Variants in MYO6 observed in about 807,000 individuals in gnomAD.
MYO6 encodes the protein myosin VI.
MYO6 carries 74 observed loss-of-function variants against 178.7 expected under a neutral mutation model. That is an observed-to-expected ratio of 0.41 (90% confidence interval 0.34 to 0.50). The LOEUF (loss-of-function observed/expected upper bound fraction) is 0.50. Ranked by LOEUF, MYO6 falls within the 20% of genes least tolerant of loss-of-function variation. The probability of loss-of-function intolerance (pLI) is 0.09; values close to 1 mark genes in which losing one functional copy is unlikely to be tolerated. For synonymous variants in MYO6, 477 were observed against 504.6 expected, an observed-to-expected ratio of 0.95 and a Z score of 0.73; for missense variants, 1,330 against 1,547.4, an observed-to-expected ratio of 0.86 and a Z score of 2.36.
intron 30 of MYO6, among the ~76,000 whole-genome samples, chr6:75,902,207 T>C (rs1356992640): frequency 6.6e-6 from 1 of 152,170 alleles, no homozygotes; most frequent in Non-Finnish European, 1.5e-5. Context: ...GTGTCTCTGC[T>C]AGGCTTTGGT....
intron 28 of MYO6, among the ~76,000 whole-genome samples, chr6:75,893,837 A>G (rs1229178214): frequency 6.6e-6 from 1 of 152,224 alleles, no homozygotes; most frequent in East Asian, 1.9e-4. Flanking sequence ...TGGGCTCTTT[A>G]TTAAGATTTC....
chr6:75,844,805 A>G, intron 9 of MYO6, 92 bp from the exon 10 acceptor site: 1 of 971,758 alleles, frequency 1.0e-6, no homozygotes, highest in South Asian at 1.3e-5. Flanking sequence ...GAAATTCTTC[A>G]TGGTTGGCAC....
chr6:75,833,736 C>T (rs1773359587), intron 6 of MYO6, among the ~76,000 whole-genome samples: 1 of 151,904 alleles, frequency 6.6e-6, no homozygotes, highest in African/African-American at 2.4e-5. Context: ...TTTTGTTTAT[C>T]CATGCATTTG....
chr6:75,811,365 A>G (rs867220924), intron 1 of MYO6, among the ~76,000 whole-genome samples: 10 of 152,240 alleles, frequency 6.6e-5, no homozygotes, highest in Middle Eastern at 3.4e-3. Context: ...TTGCCTCTCA[A>G]CCATTTGCTT....
chr6:75,902,511 G>A (rs9421200), intron 30 of MYO6, among the ~76,000 whole-genome samples: 37,641 of 152,026 alleles, frequency 0.25, 5,444 homozygotes, highest in Middle Eastern at 0.39. Flanking sequence ...GTTTATTTGC[G>A]TAGAGTTGTT....
chr6:75,816,951 A>G (rs1771314702), intron 1 of MYO6, among the ~76,000 whole-genome samples: 2 of 152,326 alleles, frequency 1.3e-5, no homozygotes, highest in Non-Finnish European at 1.5e-5. Context: ...ACCTGAAGGA[A>G]GGCAGTAGTA....
chr6:75,800,881 C>T (rs879429183), intron 1 of MYO6, among the ~76,000 whole-genome samples: 6 of 152,078 alleles, frequency 3.9e-5, no homozygotes, highest in South Asian at 4.1e-4. Context: ...CCACCACACC[C>T]GGCTAATTTT....
intron 30 of MYO6, among the ~76,000 whole-genome samples, chr6:75,904,583 T>A (rs1562309591): frequency 6.6e-6 from 1 of 152,242 alleles, no homozygotes; most frequent in Non-Finnish European, 1.5e-5. Context: ...CTCTATCAGC[T>A]CCTTTAAGCA....
At chr6:75,889,488 A>G (rs1583375605) in intron 25 of MYO6, among the ~76,000 whole-genome samples, 1 of 152,088 alleles carries the variant, frequency 6.6e-6, no homozygotes, top group African/African-American at 2.4e-5. Flanking sequence ...GTTCACTGTA[A>G]CCTCCGCCTC....
At chr6:75,837,942 C>T (rs185659123) in intron 7 of MYO6, among the ~76,000 whole-genome samples, 6 of 152,228 alleles carry the variant, frequency 3.9e-5, no homozygotes, top group Admixed American at 2.0e-4. Flanking sequence ...TGCACACTCA[C>T]TTAATAATTG....
chr6:75,854,669 C>T (rs1321943046), intron 11 of MYO6, among the ~76,000 whole-genome samples: 3 of 152,048 alleles, frequency 2.0e-5, no homozygotes, highest in Admixed American at 6.6e-5. Context: ...TGAGTACATG[C>T]TTATTACGTA....
intron 32 of MYO6, among the ~76,000 whole-genome samples, chr6:75,909,135 C>A (rs1780572363): frequency 6.6e-6 from 1 of 152,212 alleles, no homozygotes. Flanking sequence ...AGCAATCCTC[C>A]TGCCTTGGCC....
At chr6:75,869,366 C>T (rs1234428522) in intron 18 of MYO6, among the ~76,000 whole-genome samples, 1 of 151,918 alleles carries the variant, frequency 6.6e-6, no homozygotes, top group Non-Finnish European at 1.5e-5. Flanking sequence ...GGTGTCAGGC[C>T]GATGTTGGAA....
chr6:75,850,482 A>T (rs1461387434), intron 11 of MYO6, among the ~76,000 whole-genome samples: 1 of 152,200 alleles, frequency 6.6e-6, no homozygotes, highest in Non-Finnish European at 1.5e-5. Flanking sequence ...TCTGACTAAC[A>T]CAGAGGCTTG....
chr6:75,889,993 A>G (rs1778774957), intron 25 of MYO6, 64 bp from the exon 26 acceptor site: 4 of 1,145,838 alleles, frequency 3.5e-6, no homozygotes, highest in Non-Finnish European at 5.3e-6. Context: ...TGTTAAGTAT[A>G]TTCACATTGT....
intron 1 of MYO6, among the ~76,000 whole-genome samples, chr6:75,801,847 A>C (rs1447359265): frequency 6.6e-6 from 1 of 152,046 alleles, no homozygotes; most frequent in African/African-American, 2.4e-5. Flanking sequence ...AGGCTGAGGC[A>C]GGAGAATCAC....
chr6:75,810,488 G>T (rs539987666), intron 1 of MYO6, among the ~76,000 whole-genome samples: 1 of 152,252 alleles, frequency 6.6e-6, no homozygotes, highest in East Asian at 1.9e-4. Flanking sequence ...TTATTTGTCA[G>T]TTGTGCCTAA....
chr6:75,824,536 T>G (rs1772233521), intron 3 of MYO6, among the ~76,000 whole-genome samples: 2 of 152,154 alleles, frequency 1.3e-5, no homozygotes, highest in African/African-American at 4.8e-5. Context: ...GTGGTAGCTT[T>G]GTGTTATACA....
chr6:75,769,832 A>G (rs1169069453), intron 1 of MYO6, among the ~76,000 whole-genome samples: 1 of 152,166 alleles, frequency 6.6e-6, no homozygotes, highest in African/African-American at 2.4e-5. Flanking sequence ...CCTGGGAGGC[A>G]GAGGTTTCAG....
Sources: allele counts gnomAD v4.1 joint callset (sites outside exome capture counted in the v4.1 genomes callset), GRCh38; gene constraint gnomAD v4.1.1; transcripts MANE v1.5; gene names NCBI Gene and HGNC (gene_info 2026-07-23, HGNC 2026-07-21).